Variants in KCNK18 observed in about 807,000 individuals in gnomAD.
The protein encoded by KCNK18 is potassium two pore domain channel subfamily K member 18.
A neutral mutation model predicts 11.8 loss-of-function variants in KCNK18; 8 were observed. The observed-to-expected ratio is 0.68, with a 90% CI of 0.40 to 1.22. The LOEUF (loss-of-function observed/expected upper bound fraction) is 1.22, where lower values mean the gene tolerates loss of function less well. Ranked by LOEUF, KCNK18 falls within the 50% of genes most tolerant of loss-of-function variation. The probability of loss-of-function intolerance (pLI) is 0.01; values close to 1 mark genes in which losing one functional copy is unlikely to be tolerated. For synonymous variants in KCNK18, 208 were observed against 185.8 expected (o/e 1.12, Z -0.97); for missense variants, 442 against 465.4 (o/e 0.95, Z 0.46).
chr10:117,209,629 C>G lies in KCNK18; in HGVS notation c.485C>G (p.Ser162Cys). 1 of 1,614,180 alleles carries G rather than the reference C, an allele frequency of 6.2e-7. No homozygotes were observed. Among genetic ancestry groups the G allele is most frequent in the Non-Finnish European group, 8.5e-7 (1 of 1,180,026 alleles). Residue 162 changes from serine (S) to cysteine (C), a missense_variant, in exon 3 of 3, where the codon TCT (serine) becomes TGT (cysteine). Coordinates refer to ENST00000334549, the MANE Select transcript of KCNK18 (RefSeq NM_181840.1). ...GDILATILST[S>C]YNRFRKFPFF... ...ATCCTGGCAACCATCTTATCTACAT[C>G]TTATAATCGGTTCCGAAAATTCCCT...
chr10:117,203,944 G>A (rs1855045675), intron 2 of KCNK18, among the ~76,000 whole-genome samples: 1 of 152,190 alleles, frequency 6.6e-6, no homozygotes, highest in South Asian at 2.1e-4. Flanking sequence ...GCCTCCCAAA[G>A]TTCTGGGATT....
chr10:117,203,415 G>A (rs1009228541), intron 2 of KCNK18, among the ~76,000 whole-genome samples: 1 of 152,190 alleles, frequency 6.6e-6, no homozygotes, highest in Non-Finnish European at 1.5e-5. Flanking sequence ...CTCAAAGCTG[G>A]ACTTTCCAGG....
At chr10:117,208,148 G>A (rs1479152560) in intron 2 of KCNK18, among the ~76,000 whole-genome samples, 1 of 152,122 alleles carries the variant, frequency 6.6e-6, no homozygotes, top group South Asian at 2.1e-4. Flanking sequence ...ACTGGTTGGG[G>A]ACCTGAGAGT....
intron 1 of KCNK18, 113 bp from the exon 2 acceptor site, chr10:117,201,046 C>T: frequency 7.5e-7 from 1 of 1,337,510 alleles, no homozygotes; most frequent in Non-Finnish European, 1.1e-6. Context: ...TGATACTGAC[C>T]ACAAGGCAAA....
chr10:117,202,885 G>GTTTTTTTTTTTTTTTTTT lies in KCNK18; in HGVS notation c.352+1598_352+1599insTTTTTTTTTTTTTTTTTT, dbSNP rs750157980. ...CGTGGTTTCTCCCATTTGCCTGAATGCTTTTTTTTTTTTTTTTTTTTTTGA... is the reference window on the plus strand; with the variant it reads ...CGTGGTTTCTCCCATTTGCCTGAATGTTTTTTTTTTTTTTTTTTCTTTTTTTTTTTTTTTTTTTTTTGA... On this transcript the variant is annotated intron_variant, in intron 2 of 2. Transcript: ENST00000334549. Among the ~76,000 whole-genome samples the GTTTTTTTTTTTTTTTTTT allele has an allele frequency of 2.7e-5, 3 of 111,286 alleles. 1 individual carries two copies. The highest frequency in any genetic ancestry group is 7.2e-5 in the African/African-American group (2 of 27,668). The allele number at this position is 111,286 out of a possible 152,430, so 73.0% of individuals were successfully genotyped here.
At chr10:117,198,158 T>A (rs1854971952) in intron 1 of KCNK18, among the ~76,000 whole-genome samples, 1 of 152,158 alleles carries the variant, frequency 6.6e-6, no homozygotes, top group African/African-American at 2.4e-5. Flanking sequence ...GATGAGAATT[T>A]AGGGAACAAC....
chr10:117,199,649 C>T (rs929595551), intron 1 of KCNK18, among the ~76,000 whole-genome samples: 3 of 152,230 alleles, frequency 2.0e-5, no homozygotes, highest in Non-Finnish European at 4.4e-5. Context: ...GATTCCAGAG[C>T]CTGAACCTTT....
In KCNK18 at chr10:117,197,689, A is replaced by C. The variant is rs754699017; in HGVS notation, c.201A>C (p.Arg67Ser). The change falls in exon 1 of 3, where the codon AGA becomes AGC. Residue 67 changes from arginine (R) to serine (S), a missense_variant. Arg to Ser is a moderately radical substitution (Grantham distance 110, BLOSUM62 -1). Transcript: ENST00000334549. ...EFEKFLEELC[R>S]ILNCSETVVE... ...AGAAGTTCTTGGAGGAGCTCTGCAG[A>C]ATCTTGAACTGCAGTGAAACAGGTA... 1 of 1,614,058 alleles carries C rather than the reference A, an allele frequency of 6.2e-7. No individual in the cohort carries two copies. Among genetic ancestry groups the C allele is most frequent in the Non-Finnish European group, 8.5e-7 (1 of 1,179,990 alleles).
intron 1 of KCNK18, among the ~76,000 whole-genome samples, chr10:117,200,133 A>G (rs1021311796): frequency 6.6e-5 from 10 of 152,198 alleles, no homozygotes; most frequent in Non-Finnish European, 1.5e-4. Context: ...GCTGGGATGC[A>G]GTGGCACGAT....
chr10:117,209,817 A>G lies in KCNK18; in HGVS notation c.673A>G (p.Met225Val), dbSNP rs1855122434. Residue 225 changes from methionine (M) to valine (V), a missense_variant, in exon 3 of 3, where the codon ATG becomes GTG. Met to Val is a conservative substitution (Grantham distance 21). Transcript: ENST00000334549. ...ATGTCCTTCACGCCCAAGCTGCAGCATGGAGCTGTTTGAGAGATCTCATGC... is the reference window on the plus strand; with the variant it reads ...ATGTCCTTCACGCCCAAGCTGCAGCGTGGAGCTGTTTGAGAGATCTCATGC... Reference protein sequence around the residue: ...GTCPSRPSCSMELFERSHALE... With the variant: ...GTCPSRPSCSVELFERSHALE... 6.2e-6 allele frequency: 10 copies of G among 1,614,090 alleles called. No homozygotes were observed. Among genetic ancestry groups the G allele is most frequent in the Admixed American group, 3.3e-5 (2 of 60,006 alleles).
chr10:117,204,881 G>C (rs546215799), intron 2 of KCNK18, among the ~76,000 whole-genome samples: 78 of 152,304 alleles, frequency 5.1e-4, no homozygotes, highest in African/African-American at 1.8e-3. Flanking sequence ...GGGAGTCCAG[G>C]CTGTGAGTCA....
chr10:117,200,176 C>G (rs1208771622), intron 1 of KCNK18, among the ~76,000 whole-genome samples: 1 of 152,154 alleles, frequency 6.6e-6, no homozygotes, highest in Admixed American at 6.5e-5. Context: ...TCCCCAGGTT[C>G]AAGCAATTCT....
intron 2 of KCNK18, among the ~76,000 whole-genome samples, chr10:117,209,121 C>T (rs769960885): frequency 5.9e-5 from 9 of 152,214 alleles, no homozygotes; most frequent in Non-Finnish European, 8.8e-5. Flanking sequence ...CCCATCCTCT[C>T]TCACTTGTAC....
chr10:117,201,162 T>C lies in KCNK18; in HGVS notation c.227T>C (p.Val76Ala). ...TCTTGGTCATGTCTTTCTCCAGTGG[T>C]GGAAGACAGAAAACAGGATCTCCAG... ...CRILNCSETV[V>A]EDRKQDLQGH... Residue 76 changes from valine (V) to alanine (A), a missense_variant, in exon 2 of 3, where the codon GTG (valine) becomes GCG (alanine). Transcript: ENST00000334549. 1 of 1,614,166 alleles carries C rather than the reference T, an allele frequency of 6.2e-7. No individual in the cohort carries two copies. The highest frequency in any genetic ancestry group is 8.5e-7 in the Non-Finnish European group (1 of 1,180,024).
chr10:117,206,767 C>T (rs898453784), intron 2 of KCNK18, among the ~76,000 whole-genome samples: 1 of 152,172 alleles, frequency 6.6e-6, no homozygotes, highest in African/African-American at 2.4e-5. Flanking sequence ...AGACACAGCC[C>T]AGTGCCCCGA....
At chr10:117,201,129 C>T in intron 1 of KCNK18, 30 bp from the exon 2 acceptor site, 1 of 1,613,908 alleles carries the variant, frequency 6.2e-7, no homozygotes, top group Non-Finnish European at 8.5e-7. Context: ...AGAACCTTTT[C>T]CTCAAACTCT....
chr10:117,209,044 G>C (rs1855109646), intron 2 of KCNK18, among the ~76,000 whole-genome samples: 1 of 152,240 alleles, frequency 6.6e-6, no homozygotes, highest in East Asian at 1.9e-4. Context: ...CCCAGCCAAG[G>C]GTGGCTTCTT....
rs1012546985 is a variant in KCNK18, at chr10:117,206,395, C to A, written c.353-3102C>A. On this transcript the variant is annotated intron_variant, in intron 2 of 2. Transcript: ENST00000334549. Reference sequence around the variant, plus strand: ...TTGCTCAGCCTCTCCCTTATCAGGACACTTGTAATGGTACCTAGGGCCACA... The same window carrying A: ...TTGCTCAGCCTCTCCCTTATCAGGAAACTTGTAATGGTACCTAGGGCCACA... 6.6e-5 allele frequency among the ~76,000 whole-genome samples: 10 copies of A among 152,274 alleles called. 1 individual carries two copies. Among genetic ancestry groups the A allele is most frequent in the Admixed American group, 3.9e-4 (6 of 15,304 alleles).
At chr10:117,205,622 C>G (rs1855066340) in intron 2 of KCNK18, among the ~76,000 whole-genome samples, 1 of 152,208 alleles carries the variant, frequency 6.6e-6, no homozygotes. Context: ...GGTCTCTCCT[C>G]TCAGCTCCCA....
Sources: allele counts gnomAD v4.1 joint callset (sites outside exome capture counted in the v4.1 genomes callset), GRCh38; gene constraint gnomAD v4.1.1; transcripts MANE v1.5; gene names NCBI Gene and HGNC (gene_info 2026-07-23, HGNC 2026-07-21).